NLRC5: variants seen among roughly 807,000 people sequenced by gnomAD.
NLRC5 encodes protein NLRC5.
NLRC5 carries 114 observed loss-of-function variants against 206.9 expected under a neutral mutation model. That is an observed-to-expected ratio of 0.55 (90% CI 0.47 to 0.64). The LOEUF is 0.64. Ranked by LOEUF, NLRC5 falls within the 30% of genes least tolerant of loss-of-function variation. The probability of loss-of-function intolerance (pLI) is 0.00; values close to 1 mark genes in which losing one functional copy is unlikely to be tolerated. For synonymous variants in NLRC5, 952 were observed against 962.8 expected (o/e 0.99, Z 0.21); for missense variants, 2,008 against 2,305.5 (o/e 0.87, Z 2.64).
chr16:57,077,044 C>A, intron 40 of NLRC5, 142 bp downstream of exon 40: 3 of 797,434 alleles, frequency 3.8e-6, no homozygotes, highest in South Asian at 1.6e-5. Flanking sequence ...AACCTGGGGC[C>A]TAGAAGCTTG....
chr16:57,027,353 A>G (rs1218412003), intron 6 of NLRC5, among the ~76,000 whole-genome samples: 1 of 152,210 alleles, frequency 6.6e-6, no homozygotes, highest in African/African-American at 2.4e-5. Flanking sequence ...CTTCGTTCCT[A>G]AAACGAATCT....
At chr16:56,995,717 G>A (rs2057521836) in intron 1 of NLRC5, among the ~76,000 whole-genome samples, 1 of 152,138 alleles carries the variant, frequency 6.6e-6, no homozygotes, top group African/African-American at 2.4e-5. Flanking sequence ...GTGCTTTGAG[G>A]CATTCAGATC....
intron 38 of NLRC5, among the ~76,000 whole-genome samples, chr16:57,073,152 G>A (rs2067979454): frequency 6.6e-6 from 1 of 152,244 alleles, no homozygotes; most frequent in Non-Finnish European, 1.5e-5. Context: ...GGACAGGACA[G>A]ATTCATCCAT....
chr16:57,011,459 C>T (rs1395131315), intron 1 of NLRC5, among the ~76,000 whole-genome samples: 1 of 151,762 alleles, frequency 6.6e-6, no homozygotes, highest in Non-Finnish European at 1.5e-5. Flanking sequence ...CAGAGGCTCA[C>T]GCCTGTAATC....
chr16:57,025,803 A>C lies in NLRC5; in HGVS notation c.860A>C (p.Asp287Ala). 1 of 1,614,220 alleles carries C rather than the reference A, an allele frequency of 6.2e-7. No individual in the cohort carries two copies. The highest frequency in any genetic ancestry group is 8.5e-7 in the Non-Finnish European group (1 of 1,180,030). The change falls in exon 6 of 49, where the codon GAC (aspartate) becomes GCC (alanine). Residue 287 changes from aspartate (D) to alanine (A), a missense_variant. By Grantham distance (126) the Asp-to-Ala change is moderately radical. Transcript: ENST00000688547. ...GATCTGTACCTGAGCCCTGAATCGG[A>C]CCACGACACTGTCTTCCAGTACCTG... ...LFDLYLSPES[D>A]HDTVFQYLEK...
At chr16:57,044,783 G>A (rs775648718) in intron 20 of NLRC5, among the ~76,000 whole-genome samples, 14 of 151,980 alleles carry the variant, frequency 9.2e-5, no homozygotes, top group Admixed American at 4.6e-4. Flanking sequence ...TTAGCCAAGC[G>A]TGATGGCATG....
intron 28 of NLRC5, chr16:57,058,404 T>C (rs2065967660): frequency 5.8e-6 from 3 of 517,124 alleles, no homozygotes; most frequent in Non-Finnish European, 1.0e-5. Flanking sequence ...GACACACCCC[T>C]ACAGCCAAAC....
intron 22 of NLRC5, 94 bp from the exon 23 acceptor site, chr16:57,047,451 G>A: frequency 1.8e-6 from 2 of 1,127,488 alleles, no homozygotes; most frequent in Non-Finnish European, 2.6e-6. Context: ...CCCACTTAGA[G>A]TGAGGGATGC....
At chr16:57,081,334 C>A in intron 47 of NLRC5, 153 bp downstream of exon 47, 1 of 907,948 alleles carries the variant, frequency 1.1e-6, no homozygotes, top group East Asian at 2.6e-5. Flanking sequence ...AGGCTTAGTT[C>A]CCCCTGGGTT....
rs369093073 is a variant in NLRC5 at position 57,027,063 on chromosome 16, G to T, written c.2075+45G>T. On this transcript the variant is annotated intron_variant, in intron 6 of 48. Coordinates refer to ENST00000688547, the MANE Select transcript of NLRC5 (RefSeq NM_001384950.1). Reference sequence around the variant, plus strand: ...GACCGGGGAGGGGATTGGGCTTTTGGGGGAGCAGAGGCCAACCAGTCTAGC... The same window carrying T: ...GACCGGGGAGGGGATTGGGCTTTTGTGGGAGCAGAGGCCAACCAGTCTAGC... The T allele has an allele frequency of 1.9e-6, 3 of 1,577,470 alleles. No individual in the cohort carries two copies. In the South Asian group the frequency reaches 3.5e-5, roughly 18 times the overall value.
intron 1 of NLRC5, chr16:57,013,772 G>T: frequency 2.8e-6 from 2 of 706,198 alleles, no homozygotes; most frequent in Non-Finnish European, 2.6e-6. Flanking sequence ...TTCAGAACTT[G>T]GTATTTTCAT....
chr16:56,999,222 A>G (rs1184423646), intron 1 of NLRC5, among the ~76,000 whole-genome samples: 2 of 152,170 alleles, frequency 1.3e-5, no homozygotes, highest in Non-Finnish European at 2.9e-5. Context: ...CCCTCCTATT[A>G]GGGGTTAGAG....
In NLRC5 at chr16:57,037,232, T is replaced by C; in HGVS notation, c.2749T>C (p.Cys917Arg). 11 of 1,613,814 alleles carry C rather than the reference T, an allele frequency of 6.8e-6. No homozygotes were observed. The highest frequency in any genetic ancestry group is 9.3e-6 in the Non-Finnish European group (11 of 1,179,952). ...NNGLSVAGVH[C>R]VLRAVSACWT... ...CGGGCTTTCTGTGGCCGGGGTGCAT[T>C]GTGTGCTGAGGGCCGTGAGTGCGTG... is the stretch of plus-strand genomic sequence containing the variant. The change falls in exon 15 of 49, where the codon TGT becomes CGT. Residue 917 changes from cysteine to arginine, a missense_variant. Coordinates refer to ENST00000688547, the MANE Select transcript of NLRC5 (RefSeq NM_001384950.1).
chr16:57,059,497 C>G lies in NLRC5; in HGVS notation c.3951C>G (p.His1317Gln). Residue 1317 changes from histidine (H) to glutamine (Q), a missense_variant, in exon 30 of 49, where the codon CAC becomes CAG. Transcript: ENST00000688547. ...GCTCTGAGCAGAGCTTCCGGATTCA[C>G]TTCTCCAGAGAGGACCAGGCTGGGA... Reference protein sequence around the residue: ...NLGSEQSFRIHFSREDQAGKT... With the variant: ...NLGSEQSFRIQFSREDQAGKT... 1 of 1,612,106 alleles carries G rather than the reference C, an allele frequency of 6.2e-7. No individual in the cohort carries two copies. The highest frequency in any genetic ancestry group is 8.5e-7 in the Non-Finnish European group (1 of 1,179,200).
intron 1 of NLRC5, among the ~76,000 whole-genome samples, chr16:57,015,088 C>G (rs1158262168): frequency 6.6e-6 from 1 of 152,126 alleles, no homozygotes; most frequent in Non-Finnish European, 1.5e-5. Context: ...GCCACCATGC[C>G]TGACTAATTT....
chr16:57,023,578 C>T (rs1182994773), intron 4 of NLRC5, among the ~76,000 whole-genome samples: 5 of 152,204 alleles, frequency 3.3e-5, no homozygotes, highest in African/African-American at 1.2e-4. Context: ...ATCCACCTTC[C>T]AATGGGGGTG....
chr16:57,068,081 C>T (rs905371214), intron 36 of NLRC5, among the ~76,000 whole-genome samples: 5 of 152,180 alleles, frequency 3.3e-5, no homozygotes, highest in Non-Finnish European at 5.9e-5. Context: ...AAAATAACTG[C>T]GAACTAACAC....
chr16:57,065,796 G>A (rs1198517273), intron 33 of NLRC5, among the ~76,000 whole-genome samples: 1 of 152,158 alleles, frequency 6.6e-6, no homozygotes, highest in African/African-American at 2.4e-5. Flanking sequence ...TGCAGGGCTG[G>A]GAGGATTACA....
chr16:57,070,009 A>G, intron 37 of NLRC5, 90 bp downstream of exon 37: 1 of 1,031,840 alleles, frequency 9.7e-7, no homozygotes. Context: ...AGGGCAGGCA[A>G]TGAGACTTCA....
Sources: allele counts gnomAD v4.1 joint callset (sites outside exome capture counted in the v4.1 genomes callset), GRCh38; gene constraint gnomAD v4.1.1; transcripts MANE v1.5; gene names NCBI Gene and HGNC (gene_info 2026-07-23, HGNC 2026-07-21).